RASGRP3: variants seen among roughly 807,000 people sequenced by gnomAD.
The protein encoded by RASGRP3 is RAS guanyl releasing protein 3, also known as ras guanyl-releasing protein 3.
RASGRP3 carries 54 observed loss-of-function variants against 82.7 expected under a neutral mutation model. That is an observed-to-expected ratio of 0.65 (90% CI 0.52 to 0.82). The LOEUF is 0.82. RASGRP3 is among the 40% of genes least tolerant of loss of function. RASGRP3 has a pLI of 0.00. For missense variants in RASGRP3, 861 were observed against 828.9 expected, an observed-to-expected ratio of 1.04 and a Z score of -0.48; for synonymous variants, 309 against 300.5, an observed-to-expected ratio of 1.03 and a Z score of -0.29.
At chr2:33,465,423 C>T (rs546230442) in intron 2 of RASGRP3, among the ~76,000 whole-genome samples, 2 of 152,124 alleles carry the variant, frequency 1.3e-5, no homozygotes, top group South Asian at 2.1e-4. Flanking sequence ...GGTGGAAGGC[C>T]GAAGAGGGAG....
At chr2:33,542,017 T>C (rs1383064264) in intron 12 of RASGRP3, among the ~76,000 whole-genome samples, 1 of 146,874 alleles carries the variant, frequency 6.8e-6, no homozygotes, top group Non-Finnish European at 1.5e-5. Flanking sequence ...TGCAGGAGGA[T>C]GGAGTTTGAT....
intron 2 of RASGRP3, among the ~76,000 whole-genome samples, chr2:33,512,296 C>T (rs2151002941): frequency 6.6e-6 from 1 of 152,272 alleles, no homozygotes; most frequent in Admixed American, 6.5e-5. Context: ...GAACACCTTC[C>T]CCAGACAGCT....
intron 2 of RASGRP3, among the ~76,000 whole-genome samples, chr2:33,514,420 G>T (rs934594675): frequency 1.4e-5 from 2 of 140,408 alleles, no homozygotes; most frequent in Non-Finnish European, 3.0e-5. Context: ...TGTAGTCCTA[G>T]CACTTTGAAA....
chr2:33,484,786 T>G (rs1035711715), intron 1 of RASGRP3, among the ~76,000 whole-genome samples: 2 of 152,168 alleles, frequency 1.3e-5, no homozygotes, highest in African/African-American at 4.8e-5. Flanking sequence ...TTTAGAGAAG[T>G]CATATACCTT....
At chr2:33,516,776 T>C in intron 4 of RASGRP3, 132 bp downstream of exon 4, 1 of 625,816 alleles carries the variant, frequency 1.6e-6, no homozygotes, top group Non-Finnish European at 2.7e-6. Flanking sequence ...TGTGAATATA[T>C]ATAGATGTCT....
chr2:33,514,889 T>TA, intron 2 of RASGRP3, 121 bp from the exon 3 acceptor site: 1 of 493,148 alleles, frequency 2.0e-6, no homozygotes, highest in South Asian at 2.8e-5. Flanking sequence ...GTCACTATGA[T>TA]ACTTTTCTTG....
chr2:33,548,601 T>C (rs902910861), intron 13 of RASGRP3, among the ~76,000 whole-genome samples: 1 of 151,756 alleles, frequency 6.6e-6, no homozygotes, highest in Non-Finnish European at 1.5e-5. Context: ...ACATAGGAGG[T>C]AGAAAAGAAT....
rs567211508 is a variant in RASGRP3, at chr2:33,543,730, A to G, written c.1394+103A>G. 2.8e-5 allele frequency: 22 copies of G among 779,944 alleles called. No individual in the cohort carries two copies. The South Asian group carries it at 3.8e-4, about 14-fold the overall frequency. The allele number at this position is 779,944 out of a possible 1,614,324, so 48.3% of individuals were successfully genotyped here. A position where few individuals can be genotyped will look rare whatever the true frequency, so the allele number is the denominator to read the frequency against. On this transcript the variant is annotated intron_variant, in intron 13 of 17. Transcript: ENST00000403687. ...TGTAATTTGCATCTTGACAGCTTCA[A>G]CCCTGGTGCTTTGATGAGCCAGGTT...
intron 1 of RASGRP3, among the ~76,000 whole-genome samples, chr2:33,492,683 C>A (rs982235327): frequency 6.6e-6 from 1 of 152,152 alleles, no homozygotes; most frequent in Admixed American, 6.5e-5. Flanking sequence ...AAAGAGAGTC[C>A]TCACAGGGAC....
At chr2:33,505,734 A>T (rs1311184652) in intron 1 of RASGRP3, among the ~76,000 whole-genome samples, 1 of 152,214 alleles carries the variant, frequency 6.6e-6, no homozygotes, top group African/African-American at 2.4e-5. Context: ...TTGAGGCATT[A>T]TTTGGAAAGT....
chr2:33,527,583 T>A (rs1022469009), intron 10 of RASGRP3, among the ~76,000 whole-genome samples, 171 bp downstream of exon 10: 1 of 152,204 alleles, frequency 6.6e-6, no homozygotes, highest in Admixed American at 6.5e-5. Flanking sequence ...ATTAATATTT[T>A]CCATAACCAG....
intron 1 of RASGRP3, among the ~76,000 whole-genome samples, chr2:33,445,699 A>T (rs1665462226): frequency 6.6e-6 from 1 of 151,822 alleles, no homozygotes; most frequent in South Asian, 2.1e-4. Context: ...TTCTACATTA[A>T]TACATTATAT....
chr2:33,498,658 T>C (rs562483076), intron 1 of RASGRP3, among the ~76,000 whole-genome samples: 2 of 152,338 alleles, frequency 1.3e-5, no homozygotes, highest in Non-Finnish European at 2.9e-5. Context: ...CTCCCTGCCT[T>C]CTTCAGTGCC....
At chr2:33,526,088 C>G (rs1405141032) in intron 9 of RASGRP3, among the ~76,000 whole-genome samples, 1 of 152,160 alleles carries the variant, frequency 6.6e-6, no homozygotes, top group Non-Finnish European at 1.5e-5. Context: ...AATTAAAGAC[C>G]TTTTGAGCCA....
chr2:33,541,026 C>G (rs1302848900), intron 12 of RASGRP3, among the ~76,000 whole-genome samples: 1 of 146,702 alleles, frequency 6.8e-6, no homozygotes, highest in Non-Finnish European at 1.5e-5. Context: ...ATAGAATAGA[C>G]AGAAACTACT....
At chr2:33,476,810 C>A (rs1411618749) in intron 1 of RASGRP3, 103 bp downstream of exon 1, 3 of 119,216 alleles carry the variant, frequency 2.5e-5, no homozygotes, top group Admixed American at 2.4e-4. Flanking sequence ...AAGCCACCAA[C>A]AACTTTTGAT....
At chr2:33,496,362 G>A (rs971840721) in intron 1 of RASGRP3, among the ~76,000 whole-genome samples, 1 of 152,172 alleles carries the variant, frequency 6.6e-6, no homozygotes, top group Non-Finnish European at 1.5e-5. Context: ...TACAGAATGC[G>A]TGATTTTATT....
At chr2:33,492,338 G>A (rs575712228) in intron 1 of RASGRP3, among the ~76,000 whole-genome samples, 3 of 152,152 alleles carry the variant, frequency 2.0e-5, no homozygotes, top group South Asian at 4.1e-4. Flanking sequence ...CCCAAGGAAG[G>A]CTATGGGCCT....
intron 1 of RASGRP3, among the ~76,000 whole-genome samples, chr2:33,492,499 T>C (rs1668941105): frequency 6.6e-6 from 1 of 152,138 alleles, no homozygotes. Flanking sequence ...TAACCCCCAA[T>C]ATGACTGTGT....
Sources: gnomAD v4.1 joint callset for allele counts (sites outside exome capture counted in the v4.1 genomes callset) on GRCh38, gnomAD v4.1.1 for gene constraint, MANE v1.5 for transcripts, NCBI Gene and HGNC (gene_info 2026-07-23, HGNC 2026-07-21) for gene names.